The following KIAA1217 variants were observed in gnomAD, a reference collection of about 807,000 sequenced individuals.
The protein encoded by KIAA1217 is KIAA1217.
KIAA1217 carries 88 observed loss-of-function variants against 163.9 expected under a neutral mutation model. That is an observed-to-expected ratio of 0.54 (90% confidence interval 0.45 to 0.64). The LOEUF (loss-of-function observed/expected upper bound fraction) is 0.64. Among genes scored for constraint, KIAA1217 ranks in the 30% least tolerant of loss-of-function variants. The pLI, the probability that KIAA1217 is intolerant of heterozygous loss-of-function variation, is 0.00. For synonymous variants in KIAA1217, 903 were observed against 923.1 expected, an observed-to-expected ratio of 0.98 and a Z score of 0.39; for missense variants, 2,372 against 2,475.0, an observed-to-expected ratio of 0.96 and a Z score of 0.88.
At chr10:24,120,818 T>C (rs1474945550) in intron 2 of KIAA1217, among the ~76,000 whole-genome samples, 5 of 152,234 alleles carry the variant, frequency 3.3e-5, no homozygotes, top group Non-Finnish European at 7.3e-5. Flanking sequence ...TGAGTGGCTT[T>C]TTTATGAACC....
intron 2 of KIAA1217, among the ~76,000 whole-genome samples, chr10:24,308,910 G>A (rs527581777): frequency 2.0e-5 from 3 of 152,214 alleles, no homozygotes; most frequent in East Asian, 3.9e-4. Context: ...ATCAGTTGAG[G>A]TGAGGAGTTT....
intron 2 of KIAA1217, among the ~76,000 whole-genome samples, chr10:24,122,014 A>G (rs955530963): frequency 6.6e-6 from 1 of 152,016 alleles, no homozygotes; most frequent in African/African-American, 2.4e-5. Flanking sequence ...TTTAATTTCA[A>G]TTTTTATTTT....
chr10:24,239,279 C>A, intron 2 of KIAA1217: 1 of 985,366 alleles, frequency 1.0e-6, no homozygotes. Context: ...ACAAAAACTT[C>A]CAGAAGAATT....
At chr10:24,277,863 A>C (rs1489756353) in intron 2 of KIAA1217, among the ~76,000 whole-genome samples, 1 of 152,154 alleles carries the variant, frequency 6.6e-6, no homozygotes, top group Non-Finnish European at 1.5e-5. Flanking sequence ...CCTCTCTCTG[A>C]CTCACCCTCT....
At chr10:24,200,729 C>T (rs891610204) in intron 2 of KIAA1217, among the ~76,000 whole-genome samples, 4 of 152,060 alleles carry the variant, frequency 2.6e-5, no homozygotes, top group African/African-American at 4.8e-5. Flanking sequence ...TTGTCCAACC[C>T]GGGGAGCATC....
intron 6 of KIAA1217, among the ~76,000 whole-genome samples, chr10:24,477,782 T>C (rs1457302015): frequency 1.3e-5 from 2 of 152,138 alleles, no homozygotes; most frequent in African/African-American, 4.8e-5. Context: ...CTGAGTACTA[T>C]GTCAAAGAAA....
chr10:24,177,268 T>TAC (rs1473801030), intron 2 of KIAA1217, among the ~76,000 whole-genome samples: 1 of 82,650 alleles, frequency 1.2e-5, no homozygotes, highest in Non-Finnish European at 2.6e-5. Flanking sequence ...CATATATATA[T>TAC]ATATATATAT....
chr10:23,748,803 C>T (rs1839570126), intron 1 of KIAA1217, among the ~76,000 whole-genome samples: 1 of 152,146 alleles, frequency 6.6e-6, no homozygotes. Context: ...ACTGTCAGCA[C>T]TACCTTCCTA....
intron 3 of KIAA1217, among the ~76,000 whole-genome samples, chr10:24,424,579 G>A (rs1344685403): frequency 6.6e-6 from 1 of 152,104 alleles, no homozygotes; most frequent in Non-Finnish European, 1.5e-5. Context: ...CTTTGTGGGT[G>A]TTGTTTTTCT....
At chr10:24,499,913 G>T (rs567053630) in intron 8 of KIAA1217, among the ~76,000 whole-genome samples, 4 of 152,160 alleles carry the variant, frequency 2.6e-5, no homozygotes, top group Non-Finnish European at 5.9e-5. Flanking sequence ...ACCATGGGGC[G>T]CCAGCAGCAT....
Position 23,869,132 on chromosome 10 carries a change from T to TTTTTTTTTTG in KIAA1217, c.-320-138084_-320-138083insGTTTTTTTTT. 1.5e-5 allele frequency among the ~76,000 whole-genome samples: 2 copies of TTTTTTTTTTG among 137,218 alleles called. 1 individual carries two copies. Among genetic ancestry groups the TTTTTTTTTTG allele is most frequent in the African/African-American group, 5.7e-5 (2 of 34,884 alleles). The allele number at this position is 137,218 out of a possible 152,430, so 90.0% of individuals were successfully genotyped here. On this transcript the variant is annotated intron_variant, in intron 1 of 18. Coordinates refer to the KIAA1217 transcript ENST00000376462. The stretch of plus-strand genomic sequence containing the variant: ...TGCAATCATGAAATGTAGTTTTTTT[T>TTTTTTTTTTG]TTTTTTTTTTTTTTTTTTTTTTGCA...
At chr10:24,419,124 CA>C (rs2058516769) in intron 3 of KIAA1217, among the ~76,000 whole-genome samples, 1 of 147,198 alleles carries the variant, frequency 6.8e-6, no homozygotes, top group South Asian at 2.1e-4. Context: ...TTGCAGTGAT[CA>C]CACCACTGCT....
rs182005800 is a variant in KIAA1217 at position 23,854,932 on chromosome 10, G to A, written c.-320-152293G>A. ...TCTCTGCACATGAGATAGGTTTCCT[G>A]AATACAGCACACTGATGGGTCTTGA... On this transcript the variant is annotated intron_variant, in intron 1 of 18. Transcript: ENST00000376462. 2.8e-4 allele frequency among the ~76,000 whole-genome samples: 42 copies of A among 152,292 alleles called. 1 individual carries two copies. The highest frequency in any genetic ancestry group is 7.5e-4 in the African/African-American group (31 of 41,560).
intron 1 of KIAA1217, among the ~76,000 whole-genome samples, chr10:23,893,590 TC>T (rs1841515653): frequency 1.3e-5 from 2 of 152,032 alleles, no homozygotes; most frequent in Admixed American, 1.3e-4. Context: ...TGTGAGGGTG[TC>T]AATTTTGGAT....
chr10:24,163,914 T>C (rs1276487587), intron 2 of KIAA1217, among the ~76,000 whole-genome samples: 1 of 152,208 alleles, frequency 6.6e-6, no homozygotes, highest in Non-Finnish European at 1.5e-5. Flanking sequence ...TCCCAGCTAC[T>C]TGGGAGCCTG....
intron 3 of KIAA1217, among the ~76,000 whole-genome samples, chr10:24,410,078 C>T (rs911536106): frequency 6.8e-6 from 1 of 146,268 alleles, no homozygotes; most frequent in African/African-American, 2.6e-5. Context: ...CTCACTGTAA[C>T]CTCCGCCTCC....
At chr10:24,067,976 G>T (rs1293170302) in intron 2 of KIAA1217, among the ~76,000 whole-genome samples, 1 of 150,534 alleles carries the variant, frequency 6.6e-6, no homozygotes, top group Non-Finnish European at 1.5e-5. Context: ...TGTGCCGTTT[G>T]TGAAGCCTGT....
At chr10:24,029,077 A>G (rs1419988721) in intron 2 of KIAA1217, among the ~76,000 whole-genome samples, 1 of 152,138 alleles carries the variant, frequency 6.6e-6, no homozygotes, top group African/African-American at 2.4e-5. Context: ...AAATAAATTT[A>G]TACTTCACAG....
chr10:23,855,763 C>T (rs1404503759), intron 1 of KIAA1217, among the ~76,000 whole-genome samples: 3 of 152,142 alleles, frequency 2.0e-5, no homozygotes, highest in Non-Finnish European at 4.4e-5. Context: ...TCATTCATTT[C>T]ATCTTCCATC....
Sources: allele counts gnomAD v4.1 joint callset (sites outside exome capture counted in the v4.1 genomes callset), GRCh38; gene constraint gnomAD v4.1.1; transcripts MANE v1.5; gene names NCBI Gene and HGNC (gene_info 2026-07-23, HGNC 2026-07-21).